ATP10D: variants seen among roughly 807,000 people sequenced by gnomAD.
The protein encoded by ATP10D is ATPase phospholipid transporting 10D (putative).
A neutral mutation model predicts 144.8 loss-of-function variants in ATP10D; 89 were observed. The observed-to-expected ratio is 0.61, with a 90% CI of 0.52 to 0.73. The LOEUF (loss-of-function observed/expected upper bound fraction) is 0.73, where lower values mean the gene tolerates loss of function less well. Ranked by LOEUF, ATP10D falls within the 30% of genes least tolerant of loss-of-function variation. The pLI is 0.00. For synonymous variants in ATP10D, 571 were observed against 615.1 expected (o/e 0.93, Z 1.06); for missense variants, 1,603 against 1,714.8 (o/e 0.93, Z 1.15).
chr4:47,497,085 C>T lies in ATP10D; in HGVS notation c.-38+11566C>T, dbSNP rs190640028. 4.2e-3 allele frequency among the ~76,000 whole-genome samples: 638 copies of T among 152,290 alleles called. 5 individuals carry two copies. Among genetic ancestry groups the T allele is most frequent in the Middle Eastern group, 6.8e-3 (2 of 294 alleles). On this transcript the variant is annotated intron_variant, in intron 1 of 22. Transcript: ENST00000273859. ...CAAACTTCTGACCTCAGGCGATCCT[C>T]CCACCTCGGCCTCCCGAATTGCTGG...
chr4:47,520,365 G>T (rs547672910), intron 3 of ATP10D, among the ~76,000 whole-genome samples: 6 of 152,026 alleles, frequency 3.9e-5, no homozygotes, highest in African/African-American at 1.4e-4. Flanking sequence ...CTTCTCTCTA[G>T]CTTCAACCAG....
Position 47,568,939 on chromosome 4 carries a change from C to G in ATP10D, c.2956C>G (p.Pro986Ala). Residue 986 changes from proline to alanine, a missense_variant, in exon 16 of 23, where the codon CCT becomes GCT. Transcript: ENST00000273859. ...ATTAAGTGAAGATTTACTTCAGCCTCCTGTCCCCCGGGACTCAGGGTTACG... is the reference window on the plus strand; with the variant it reads ...ATTAAGTGAAGATTTACTTCAGCCTGCTGTCCCCCGGGACTCAGGGTTACG... ...VSLSEDLLQP[P>A]VPRDSGLRAG... 6.2e-7 allele frequency: 1 copy of G among 1,614,174 alleles called. No individual in the cohort carries two copies. Among genetic ancestry groups the G allele is most frequent in the Non-Finnish European group, 8.5e-7 (1 of 1,180,036 alleles).
chr4:47,544,950 A>G (rs1424410488), intron 9 of ATP10D, among the ~76,000 whole-genome samples: 2 of 152,198 alleles, frequency 1.3e-5, no homozygotes, highest in Admixed American at 6.5e-5. Flanking sequence ...TAGAGAAAAT[A>G]TTCACAAATA....
intron 15 of ATP10D, among the ~76,000 whole-genome samples, chr4:47,567,014 C>CA (rs1719673693): frequency 6.7e-6 from 1 of 149,922 alleles, no homozygotes; most frequent in Non-Finnish European, 1.5e-5. Context: ...CAGAAAGATG[C>CA]AAAAAATATG....
At position 47,546,715 on chromosome 4, in the gene ATP10D, G is replaced by A. The variant is rs375073676; in HGVS notation, c.1488G>A (p.Pro496=). Residue 496 remains proline, a synonymous_variant, in exon 10 of 23, where the codon CCG becomes CCA. Coordinates refer to ENST00000273859, the MANE Select transcript of ATP10D (RefSeq NM_020453.4). ...GTTCCCTCAGCAATATGGCAAAACC[G>A]AGAGCCCCCAGCTGCAGGACAGTTC... ...VSGSLSNMAK[P]RAPSCRTVHN... is the part of the protein sequence containing the mutation. The A allele has an allele frequency of 1.9e-5, 31 of 1,613,986 alleles. No individual in the cohort carries two copies. Among genetic ancestry groups the A allele is most frequent in the African/African-American group, 2.7e-5 (2 of 74,912 alleles).
intron 5 of ATP10D, 118 bp downstream of exon 5, chr4:47,525,760 T>C: frequency 1.3e-6 from 1 of 758,934 alleles, no homozygotes; most frequent in Non-Finnish European, 2.2e-6. Flanking sequence ...AGGTCGTAAC[T>C]TTAGCCACCT....
chr4:47,573,340 A>G (rs1474966412), intron 18 of ATP10D, among the ~76,000 whole-genome samples: 2 of 152,270 alleles, frequency 1.3e-5, no homozygotes, highest in Non-Finnish European at 2.9e-5. Flanking sequence ...GTACAGAAAG[A>G]AAAGGTTTGC....
chr4:47,522,246 A>G (rs540313985), intron 3 of ATP10D, among the ~76,000 whole-genome samples: 1 of 152,268 alleles, frequency 6.6e-6, no homozygotes, highest in African/African-American at 2.4e-5. Flanking sequence ...TTCTACCCTA[A>G]CGAAAATGTA....
intron 4 of ATP10D, among the ~76,000 whole-genome samples, chr4:47,524,484 G>C (rs1053579050): frequency 2.6e-5 from 4 of 152,118 alleles, no homozygotes; most frequent in African/African-American, 7.2e-5. Context: ...TTAACGTTCT[G>C]TTGTACCACT....
intron 1 of ATP10D, among the ~76,000 whole-genome samples, chr4:47,487,278 A>T (rs900700027): frequency 1.3e-5 from 2 of 151,912 alleles, no homozygotes; most frequent in Non-Finnish European, 2.9e-5. Context: ...TGCTATTGTC[A>T]GTAAAACGAA....
At chr4:47,545,001 C>T (rs2109433250) in intron 9 of ATP10D, among the ~76,000 whole-genome samples, 1 of 152,154 alleles carries the variant, frequency 6.6e-6, no homozygotes, top group East Asian at 1.9e-4. Context: ...GCGATAAGTA[C>T]TTGGTAGAAA....
intron 21 of ATP10D, among the ~76,000 whole-genome samples, chr4:47,584,793 A>T (rs1179356888): frequency 6.6e-6 from 1 of 152,224 alleles, no homozygotes; most frequent in African/African-American, 2.4e-5. Context: ...TTTTAGCAGC[A>T]TGAAGATCTT....
chr4:47,491,220 G>T, intron 1 of ATP10D: 1 of 760,398 alleles, frequency 1.3e-6, no homozygotes, highest in Non-Finnish European at 2.4e-6. Flanking sequence ...CAAGAATCTT[G>T]CCCTTAACTT....
At chr4:47,505,783 G>C (rs994980068) in intron 1 of ATP10D, among the ~76,000 whole-genome samples, 1 of 152,078 alleles carries the variant, frequency 6.6e-6, no homozygotes, top group Admixed American at 6.5e-5. Context: ...AGAAACCTAG[G>C]GGGTGAGATT....
intron 11 of ATP10D, among the ~76,000 whole-genome samples, chr4:47,555,460 G>A (rs1278488072): frequency 6.6e-6 from 1 of 152,172 alleles, no homozygotes; most frequent in Admixed American, 6.5e-5. Context: ...ACAATCCTAT[G>A]AGTTAGAAGC....
chr4:47,533,917 C>G (rs1717694788), intron 5 of ATP10D, among the ~76,000 whole-genome samples: 1 of 152,252 alleles, frequency 6.6e-6, no homozygotes, highest in Non-Finnish European at 1.5e-5. Context: ...AAATGAGTCA[C>G]AACCACAATA....
In ATP10D at chr4:47,563,898, T is replaced by G. The variant is rs147630384; in HGVS notation, c.2853+133T>G. Reference sequence around the variant, plus strand: ...GCTTTTTTTGTTGTTTGTTTGTTTGTTTTGGTTTTTTTGAGACGGAATCTT... The same window carrying G: ...GCTTTTTTTGTTGTTTGTTTGTTTGGTTTGGTTTTTTTGAGACGGAATCTT... On this transcript the variant is annotated intron_variant, in intron 15 of 22. Coordinates refer to ENST00000273859, the MANE Select transcript of ATP10D (RefSeq NM_020453.4). 245 of 943,402 alleles carry G rather than the reference T, an allele frequency of 2.6e-4. 3 individuals carry two copies. The African/African-American group carries it at 3.7e-3, about 14-fold the overall frequency. 58.4% of individuals were successfully genotyped at this position (943,402 alleles called of 1,614,324 possible).
chr4:47,541,329 A>G (rs1718124663), intron 9 of ATP10D, among the ~76,000 whole-genome samples: 1 of 152,154 alleles, frequency 6.6e-6, no homozygotes, highest in Non-Finnish European at 1.5e-5. Context: ...TATCATGTTC[A>G]TTGTCATAAG....
chr4:47,541,904 A>C (rs773099837), intron 9 of ATP10D, among the ~76,000 whole-genome samples: 35 of 152,306 alleles, frequency 2.3e-4, no homozygotes, highest in Admixed American at 3.9e-4. Context: ...GACAAAGGAA[A>C]GAATAGACTT....
Sources: gnomAD v4.1 joint callset for allele counts (sites outside exome capture counted in the v4.1 genomes callset) on GRCh38, gnomAD v4.1.1 for gene constraint, MANE v1.5 for transcripts, NCBI Gene and HGNC (gene_info 2026-07-23, HGNC 2026-07-21) for gene names.